ADCY1: variants seen among roughly 807,000 people sequenced by gnomAD.
ADCY1 encodes the protein adenylate cyclase type 1.
A neutral mutation model predicts 105.4 loss-of-function variants in ADCY1; 28 were observed. The observed-to-expected ratio is 0.27, with a 90% CI of 0.20 to 0.36. ADCY1 has a LOEUF of 0.36. Ranked by LOEUF, ADCY1 falls within the 10% of genes least tolerant of loss-of-function variation. The pLI is 1.00. For synonymous variants in ADCY1, 655 were observed against 623.8 expected (o/e 1.05, Z -0.75); for missense variants, 977 against 1,434.2 (o/e 0.68, Z 5.15).
chr7:45,616,806 C>G (rs923471800), intron 3 of ADCY1, among the ~76,000 whole-genome samples: 1 of 152,180 alleles, frequency 6.6e-6, no homozygotes, highest in South Asian at 2.1e-4. Context: ...TACTGGAAGT[C>G]CTGCCCAGAG....
In ADCY1 at chr7:45,635,923, G is replaced by A. The variant is rs182882714; in HGVS notation, c.1021-12747G>A. 1.2e-3 allele frequency among the ~76,000 whole-genome samples: 185 copies of A among 152,150 alleles called. 1 individual carries two copies. Among genetic ancestry groups the A allele is most frequent in the Admixed American group, 2.8e-3 (43 of 15,286 alleles). ...CTACTTGTTCTCTCAATTATTGAGA[G>A]AGGGGTATTAAAATCTCCAACATAA... On this transcript the variant is annotated intron_variant, in intron 4 of 19. Coordinates refer to ENST00000297323, the MANE Select transcript of ADCY1 (RefSeq NM_021116.4).
intron 17 of ADCY1, among the ~76,000 whole-genome samples, chr7:45,706,575 A>G (rs990971397): frequency 5.9e-5 from 9 of 152,052 alleles, no homozygotes; most frequent in African/African-American, 2.2e-4. Context: ...AATAAGCCTA[A>G]ATGTAAAATG....
rs1463813771 is a variant in ADCY1, at chr7:45,575,813, A to G, written c.639+631A>G. On this transcript the variant is annotated intron_variant, in intron 1 of 19. Transcript: ENST00000297323. This position sits in a 1 kb window ranked among gnomAD's most constrained non-coding sequence, Gnocchi z 4.7. ...CCGCTGCCACTCGGCGGTTGCCCTG[A>G]CCCTGCCTTTTCTGCGCCCGAACTT... Among the ~76,000 whole-genome samples, 1 of 152,202 alleles carries G rather than the reference A, an allele frequency of 6.6e-6. No individual in the cohort carries two copies. Among genetic ancestry groups the G allele is most frequent in the Non-Finnish European group, 1.5e-5 (1 of 68,042 alleles).
intron 4 of ADCY1, among the ~76,000 whole-genome samples, chr7:45,623,341 G>A (rs1044859028): frequency 1.3e-5 from 2 of 152,244 alleles, no homozygotes; most frequent in Non-Finnish European, 2.9e-5. Context: ...GCGTTGGCTT[G>A]TAACGTGCAT....
chr7:45,594,832 C>A (rs939520961), intron 2 of ADCY1, among the ~76,000 whole-genome samples: 1 of 152,206 alleles, frequency 6.6e-6, no homozygotes, highest in East Asian at 1.9e-4. Flanking sequence ...ATCCAGTTAA[C>A]CCAGCCAAAT....
chr7:45,706,629 A>G (rs572309541), intron 17 of ADCY1, among the ~76,000 whole-genome samples: 2 of 152,308 alleles, frequency 1.3e-5, no homozygotes, highest in African/African-American at 4.8e-5. Context: ...AGAAAAATCT[A>G]GATGACCTTC....
rs184945657 is a variant in ADCY1, at chr7:45,695,986, C to G, written c.2455-7390C>G. 2.0e-3 allele frequency among the ~76,000 whole-genome samples: 308 copies of G among 152,294 alleles called. 1 individual carries two copies. The highest frequency in any genetic ancestry group is 7.3e-3 in the African/African-American group (302 of 41,562). ...TCCCTGGTTCGAAAAGATAGAGAAA[C>G]GTTGGTAACTCCAGACTTTCTGATG... On this transcript the variant is annotated intron_variant, in intron 14 of 19. Transcript: ENST00000297323.
chr7:45,675,046 T>C lies in ADCY1; in HGVS notation c.1606-2823T>C, dbSNP rs562964853. Among the ~76,000 whole-genome samples the C allele has an allele frequency of 1.1e-4, 16 of 152,336 alleles. No homozygotes were observed. The South Asian group carries it at 2.9e-3, about 28-fold the overall frequency. On this transcript the variant is annotated intron_variant, in intron 8 of 19. Transcript: ENST00000297323. The stretch of plus-strand genomic sequence containing the variant: ...AGAATATCTACACTTAATGCAATTA[T>C]TGATATGTTATTGATAAGTCTGCTA...
intron 2 of ADCY1, among the ~76,000 whole-genome samples, chr7:45,593,369 G>A (rs541089028): frequency 1.3e-5 from 2 of 152,314 alleles, no homozygotes; most frequent in South Asian, 2.1e-4. Context: ...GAGTTGTAGA[G>A]GGGTCACAGT....
At chr7:45,651,578 T>C (rs1047013692) in intron 5 of ADCY1, among the ~76,000 whole-genome samples, 4 of 152,164 alleles carry the variant, frequency 2.6e-5, no homozygotes, top group Non-Finnish European at 5.9e-5. Context: ...ATGCTGGGCC[T>C]CGCAGCTGGC....
rs1793932792 is a variant in ADCY1, at chr7:45,622,651, G to T, written c.928G>T (p.Val310Leu). The change falls in exon 4 of 20, where the codon GTG becomes TTG. Residue 310 changes from valine to leucine, a missense_variant. Val to Leu is a conservative substitution (Grantham distance 32). Transcript: ENST00000297323. ...TTGCAGCATCCTGTTTGCTGACATCGTGGGTTTCACGGGCTTGGCATCCCA... is the reference window on the plus strand; with the variant it reads ...TTGCAGCATCCTGTTTGCTGACATCTTGGGTTTCACGGGCTTGGCATCCCA... ...DNVSILFADI[V>L]GFTGLASQCT... 2 of 1,612,974 alleles carry T rather than the reference G, an allele frequency of 1.2e-6. No individual in the cohort carries two copies. Among genetic ancestry groups the T allele is most frequent in the Non-Finnish European group, 1.7e-6 (2 of 1,179,818 alleles).
At chr7:45,645,340 T>A (rs1562704280) in intron 4 of ADCY1, among the ~76,000 whole-genome samples, 1 of 152,014 alleles carries the variant, frequency 6.6e-6, no homozygotes, top group Non-Finnish European at 1.5e-5. Context: ...CCTGTAGGGA[T>A]GGTAATTGAA....
intron 14 of ADCY1, among the ~76,000 whole-genome samples, chr7:45,698,129 A>G (rs1412073051): frequency 2.0e-5 from 3 of 151,962 alleles, no homozygotes. Flanking sequence ...CCACACATGC[A>G]TGTGTGCATG....
intron 19 of ADCY1, among the ~76,000 whole-genome samples, chr7:45,712,808 A>G (rs967227527): frequency 4.6e-5 from 7 of 152,298 alleles, no homozygotes; most frequent in East Asian, 1.9e-4. Flanking sequence ...CACAGGACTC[A>G]TTGCATTTAG....
At chr7:45,640,063 C>T (rs924157553) in intron 4 of ADCY1, among the ~76,000 whole-genome samples, 2 of 152,098 alleles carry the variant, frequency 1.3e-5, no homozygotes, top group Non-Finnish European at 2.9e-5. Context: ...AGTGTTGTGC[C>T]GGGTTTAAGA....
chr7:45,713,648 C>G, intron 19 of ADCY1, 45 bp from the exon 20 acceptor site: 3 of 751,926 alleles, frequency 4.0e-6, no homozygotes, highest in Non-Finnish European at 5.0e-6. Context: ...CCAGAGGAGT[C>G]CCCCTCATTG....
In ADCY1 at chr7:45,591,393, G is replaced by A. The variant is rs918547025; in HGVS notation, c.640-1366G>A. On this transcript the variant is annotated intron_variant, in intron 1 of 19. Coordinates refer to ENST00000297323, the MANE Select transcript of ADCY1 (RefSeq NM_021116.4). This position sits in a 1 kb window ranked among gnomAD's most constrained non-coding sequence, Gnocchi z 4.1. Reference sequence around the variant, plus strand: ...TACCTCCTGGACTCGCTTGGTCCCCGTCAGGTGGCAGCTGCTCCCCACACT... The same window carrying A: ...TACCTCCTGGACTCGCTTGGTCCCCATCAGGTGGCAGCTGCTCCCCACACT... 1.3e-5 allele frequency among the ~76,000 whole-genome samples: 2 copies of A among 152,208 alleles called. No homozygotes were observed. The highest frequency in any genetic ancestry group is 2.1e-4 in the South Asian group (1 of 4,832).
intron 2 of ADCY1, among the ~76,000 whole-genome samples, chr7:45,608,052 C>T (rs1247767429): frequency 6.6e-6 from 1 of 152,166 alleles, no homozygotes; most frequent in African/African-American, 2.4e-5. Context: ...TTTACGTTTC[C>T]CACCAGCAGT....
At chr7:45,629,215 C>G (rs927728935) in intron 4 of ADCY1, among the ~76,000 whole-genome samples, 5 of 152,220 alleles carry the variant, frequency 3.3e-5, no homozygotes, top group South Asian at 4.1e-4. Flanking sequence ...AATATGTACT[C>G]TACATTGTCT....
Sources: allele counts gnomAD v4.1 joint callset (sites outside exome capture counted in the v4.1 genomes callset), GRCh38; gene constraint gnomAD v4.1.1; non-coding constraint Gnocchi (gnomAD v3.1); transcripts MANE v1.5; gene names NCBI Gene and HGNC (gene_info 2026-07-23, HGNC 2026-07-21).